PARD3: variants seen among roughly 807,000 people sequenced by gnomAD.
PARD3 encodes the protein par-3 family cell polarity regulator.
A neutral mutation model predicts 155.4 loss-of-function variants in PARD3; 75 were observed. That is an observed-to-expected ratio of 0.48 (90% CI 0.40 to 0.58). The LOEUF (loss-of-function observed/expected upper bound fraction) is 0.58. PARD3 is among the 20% of genes least tolerant of loss of function. The probability of loss-of-function intolerance (pLI) is 0.00; values close to 1 mark genes in which losing one functional copy is unlikely to be tolerated. For synonymous variants in PARD3, 576 were observed against 610.5 expected, an observed-to-expected ratio of 0.94 and a Z score of 0.83; for missense variants, 1,642 against 1,721.7, an observed-to-expected ratio of 0.95 and a Z score of 0.82.
chr10:34,148,870 TTTTG>T (rs1022187863), intron 22 of PARD3, among the ~76,000 whole-genome samples: 11 of 151,940 alleles, frequency 7.2e-5, no homozygotes, highest in Admixed American at 2.0e-4. Context: ...TCAAGTTTTT[TTTTG>T]TTTGTTTTTA....
chr10:34,353,657 T>C (rs1838444246), intron 14 of PARD3, among the ~76,000 whole-genome samples: 1 of 151,766 alleles, frequency 6.6e-6, no homozygotes, highest in Non-Finnish European at 1.5e-5. Context: ...CCATCCACTA[T>C]TGTCCTATGA....
chr10:34,173,204 T>C (rs971797159), intron 22 of PARD3, among the ~76,000 whole-genome samples: 2 of 152,218 alleles, frequency 1.3e-5, no homozygotes, highest in African/African-American at 2.4e-5. Flanking sequence ...AACCCCGAAG[T>C]CTTGCAACAT....
intron 22 of PARD3, among the ~76,000 whole-genome samples, chr10:34,173,650 G>A (rs1030528857): frequency 4.6e-5 from 7 of 152,152 alleles, no homozygotes; most frequent in African/African-American, 1.7e-4. Context: ...GCTAGGAAAA[G>A]TGTTTATCAA....
intron 12 of PARD3, among the ~76,000 whole-genome samples, chr10:34,362,711 T>C (rs2134522797): frequency 6.6e-6 from 1 of 152,280 alleles, no homozygotes; most frequent in Non-Finnish European, 1.5e-5. Flanking sequence ...GCCAGGCTGG[T>C]TTCAGACTCC....
chr10:34,193,587 T>C (rs1158905265), intron 22 of PARD3, among the ~76,000 whole-genome samples: 1 of 152,242 alleles, frequency 6.6e-6, no homozygotes, highest in Non-Finnish European at 1.5e-5. Flanking sequence ...TCTCATACAA[T>C]AAGGACATAT....
intron 22 of PARD3, among the ~76,000 whole-genome samples, chr10:34,146,617 G>C (rs573006236): frequency 6.6e-6 from 1 of 152,198 alleles, no homozygotes; most frequent in South Asian, 2.1e-4. Flanking sequence ...TTTAGTTTTT[G>C]CCCACATTTA....
At chr10:34,155,593 T>C (rs1281198454) in intron 22 of PARD3, among the ~76,000 whole-genome samples, 2 of 151,950 alleles carry the variant, frequency 1.3e-5, no homozygotes, top group African/African-American at 2.4e-5. Flanking sequence ...GGGCAGAAGA[T>C]GAACTTTTGG....
chr10:34,546,623 C>A (rs1467455430), intron 2 of PARD3, among the ~76,000 whole-genome samples: 1 of 151,646 alleles, frequency 6.6e-6, no homozygotes, highest in African/African-American at 2.4e-5. Context: ...CTGCAAAATA[C>A]TGAATGTACT....
At chr10:34,693,968 TGAAGAAAGG>T (rs2133453759) in intron 2 of PARD3, among the ~76,000 whole-genome samples, 1 of 152,270 alleles carries the variant, frequency 6.6e-6, no homozygotes, top group Non-Finnish European at 1.5e-5. Flanking sequence ...TCTATCTATC[TGAAGAAAGG>T]GAAGAGTCAG....
At chr10:34,790,507 C>T (rs1017679052) in intron 1 of PARD3, among the ~76,000 whole-genome samples, 2 of 152,180 alleles carry the variant, frequency 1.3e-5, no homozygotes, top group African/African-American at 2.4e-5. Context: ...CCTTAGGATG[C>T]TTCTGTTAGG....
rs756575325 is a variant in PARD3 at position 34,450,329 on chromosome 10, C to T, written c.702G>A (p.Glu234=). 1 of 1,613,416 alleles carries T rather than the reference C, an allele frequency of 6.2e-7. No individual in the cohort carries two copies. Among genetic ancestry groups the T allele is most frequent in the South Asian group, 1.1e-5 (1 of 90,922 alleles). Residue 234 remains glutamate (E), a synonymous_variant, in exon 5 of 25, where the codon GAG becomes GAA. Transcript: ENST00000374788. ...ASHPMVGKWL[E]KQEQDEDGTE... is the part of the protein sequence containing the mutation. Reference sequence around the variant, plus strand: ...TTTGTCATGTTACCTGTTCTTGTTTCTCCAGCCACTTGCCCACCATTGGGT... The same window carrying T: ...TTTGTCATGTTACCTGTTCTTGTTTTTCCAGCCACTTGCCCACCATTGGGT...
At chr10:34,294,941 G>A (rs758103674) in intron 20 of PARD3, among the ~76,000 whole-genome samples, 4 of 152,106 alleles carry the variant, frequency 2.6e-5, no homozygotes, top group African/African-American at 9.7e-5. Flanking sequence ...GGTAGATCAC[G>A]CCTGCAATAC....
At chr10:34,285,201 T>C (rs894738651) in intron 20 of PARD3, among the ~76,000 whole-genome samples, 14 of 152,186 alleles carry the variant, frequency 9.2e-5, no homozygotes, top group Non-Finnish European at 1.5e-5. Flanking sequence ...TCAGAAATAA[T>C]TAAAGTATAT....
intron 22 of PARD3, among the ~76,000 whole-genome samples, chr10:34,217,617 C>T (rs1006215017): frequency 1.3e-5 from 2 of 152,000 alleles, no homozygotes; most frequent in Non-Finnish European, 2.9e-5. Context: ...ATGCTCGTGG[C>T]GTGCACTGAG....
chr10:34,361,126 A>G (rs1839394414), intron 12 of PARD3, among the ~76,000 whole-genome samples: 1 of 152,212 alleles, frequency 6.6e-6, no homozygotes, highest in South Asian at 2.1e-4. Context: ...CTCCTCAGCA[A>G]TCCCGCCCAT....
chr10:34,230,865 C>T (rs570093262), intron 22 of PARD3, among the ~76,000 whole-genome samples: 7 of 151,908 alleles, frequency 4.6e-5, no homozygotes, highest in Non-Finnish European at 8.8e-5. Flanking sequence ...TCATCTTTAT[C>T]AAAAAATTTA....
Position 34,183,593 on chromosome 10 carries a change from G to A in PARD3, c.3420-52010C>T, listed in dbSNP as rs1466095838. 3.9e-5 allele frequency among the ~76,000 whole-genome samples: 6 copies of A among 152,092 alleles called. No homozygotes were observed. In the East Asian group the frequency reaches 5.8e-4, roughly 15 times the overall value. On this transcript the variant is annotated intron_variant, in intron 22 of 24. Coordinates refer to ENST00000374788, the MANE Select transcript of PARD3 (RefSeq NM_001184785.2). ...TGTACCAAGTGTCATGGCCACCTGCGGATAACACCATGTGTTCAAAACATC... is the reference window on the plus strand; with the variant it reads ...TGTACCAAGTGTCATGGCCACCTGCAGATAACACCATGTGTTCAAAACATC...
At chr10:34,208,492 C>G (rs1951583909) in intron 22 of PARD3, among the ~76,000 whole-genome samples, 1 of 152,288 alleles carries the variant, frequency 6.6e-6, no homozygotes, top group East Asian at 1.9e-4. Flanking sequence ...GGAATGCCAG[C>G]CTTTCAGTAC....
At chr10:34,800,418 T>A (rs1842741332) in intron 1 of PARD3, among the ~76,000 whole-genome samples, 1 of 152,006 alleles carries the variant, frequency 6.6e-6, no homozygotes, top group Non-Finnish European at 1.5e-5. Flanking sequence ...AAGACCAGCC[T>A]GATAAACCAG....
Sources: gnomAD v4.1 joint callset for allele counts (sites outside exome capture counted in the v4.1 genomes callset) on GRCh38, gnomAD v4.1.1 for gene constraint, MANE v1.5 for transcripts, NCBI Gene and HGNC (gene_info 2026-07-23, HGNC 2026-07-21) for gene names.